NTNG1: variants seen among roughly 807,000 people sequenced by gnomAD.
NTNG1 encodes the protein netrin-G1.
In NTNG1, 16 loss-of-function variants were observed where a neutral mutation model predicts 54.0. That is an observed-to-expected ratio of 0.30 (90% CI 0.20 to 0.45). The LOEUF is 0.45. NTNG1 is among the 20% of genes least tolerant of loss of function. The probability of loss-of-function intolerance (pLI) is 1.00; values close to 1 mark genes in which losing one functional copy is unlikely to be tolerated. For synonymous variants in NTNG1, 255 were observed against 263.1 expected, an observed-to-expected ratio of 0.97 and a Z score of 0.30; for missense variants, 530 against 678.7, an observed-to-expected ratio of 0.78 and a Z score of 2.43.
At chr1:107,460,453 A>G in intron 7 of NTNG1, 2 of 517,842 alleles carry the variant, frequency 3.9e-6, no homozygotes, top group African/African-American at 1.9e-5. Flanking sequence ...AAATCTCACA[A>G]AGAAATCCAA....
intron 5 of NTNG1, among the ~76,000 whole-genome samples, chr1:107,415,204 A>G (rs937205286): frequency 6.6e-6 from 1 of 152,162 alleles, no homozygotes; most frequent in Non-Finnish European, 1.5e-5. Context: ...ATGATTTGCC[A>G]TTTACAAGCA....
intron 6 of NTNG1, 128 bp from the exon 7 acceptor site, chr1:107,436,537 C>G: frequency 1.4e-6 from 1 of 690,982 alleles, no homozygotes; most frequent in South Asian, 3.7e-5. Flanking sequence ...CCATATTTGC[C>G]GAAGCATTTC....
chr1:107,437,210 A>G (rs1248996004), intron 7 of NTNG1, among the ~76,000 whole-genome samples: 1 of 152,234 alleles, frequency 6.6e-6, no homozygotes, highest in East Asian at 1.9e-4. Context: ...TACATAACTT[A>G]TTACTACCCT....
At chr1:107,152,266 A>T (rs1654635714) in intron 2 of NTNG1, among the ~76,000 whole-genome samples, 1 of 152,106 alleles carries the variant, frequency 6.6e-6, no homozygotes, top group African/African-American at 2.4e-5. Flanking sequence ...ATTTGAATAG[A>T]TCCTATCTTT....
intron 5 of NTNG1, chr1:107,418,771 C>A: frequency 1.7e-6 from 1 of 602,824 alleles, no homozygotes; most frequent in South Asian, 2.3e-5. Flanking sequence ...AATCATAATT[C>A]AATCTTTTTT....
At chr1:107,416,333 C>T (rs2101204266) in intron 5 of NTNG1, among the ~76,000 whole-genome samples, 1 of 151,784 alleles carries the variant, frequency 6.6e-6, no homozygotes, top group Non-Finnish European at 1.5e-5. Flanking sequence ...AGTCGAATTA[C>T]ATTCCTAGGC....
At chr1:107,396,533 C>T (rs2587894) in intron 4 of NTNG1, among the ~76,000 whole-genome samples, 145,617 of 152,240 alleles carry the variant, frequency 0.96, 69,974 homozygotes, top group East Asian at 1. Context: ...AATACATTAA[C>T]GCTCTGTTGA....
In NTNG1 at chr1:107,306,661, G is replaced by A. The variant is rs565313547; in HGVS notation, c.247-17621G>A. Among the ~76,000 whole-genome samples, 4 of 151,838 alleles carry A rather than the reference G, an allele frequency of 2.6e-5. No individual in the cohort carries two copies. The South Asian group carries it at 8.3e-4, about 31-fold the overall frequency. ...AGCTACTCAGGAGGCTGAGGCCGGA[G>A]AATCGCTTGAACCTGGGAGGTGGAG... On this transcript the variant is annotated intron_variant, in intron 2 of 7. Transcript: ENST00000370068.
chr1:107,430,275 G>T (rs151207985), intron 5 of NTNG1, among the ~76,000 whole-genome samples: 15 of 152,170 alleles, frequency 9.9e-5, no homozygotes, highest in African/African-American at 3.6e-4. Context: ...TGCTGTCTTG[G>T]CATGATGTCA....
chr1:107,293,334 C>T (rs12040824), intron 2 of NTNG1, among the ~76,000 whole-genome samples: 18,321 of 152,086 alleles, frequency 0.12, 1,353 homozygotes, highest in African/African-American at 0.2. Flanking sequence ...TATTTATACC[C>T]TTTGACATAT....
intron 7 of NTNG1, among the ~76,000 whole-genome samples, 189 bp downstream of exon 7, chr1:107,436,988 C>T (rs945564726): frequency 6.6e-6 from 1 of 152,142 alleles, no homozygotes; most frequent in Non-Finnish European, 1.5e-5. Context: ...TTTTTTGAAG[C>T]CCATCTTCAT....
At chr1:107,198,167 T>A (rs4311918) in intron 2 of NTNG1, among the ~76,000 whole-genome samples, 21,383 of 151,956 alleles carry the variant, frequency 0.14, 3,233 homozygotes, top group African/African-American at 0.38. Context: ...TTTAACGGTG[T>A]TGGAAAAGAA....
intron 5 of NTNG1, among the ~76,000 whole-genome samples, chr1:107,425,303 T>C (rs542866436): frequency 7.4e-4 from 113 of 152,196 alleles, no homozygotes; most frequent in African/African-American, 2.6e-3. Context: ...TTGGATTTAG[T>C]AATTACCAGT....
chr1:107,289,383 C>G lies in NTNG1; in HGVS notation c.247-34899C>G, dbSNP rs1406615750. On this transcript the variant is annotated intron_variant, in intron 2 of 7. Transcript: ENST00000370068. ...TTATAAAGTCCTCACTTTACTACCT[C>G]TCTCCAGCTTCTTTTATAAAGAAAT... 2.0e-5 allele frequency among the ~76,000 whole-genome samples: 3 copies of G among 152,146 alleles called. No homozygotes were observed. In the East Asian group the frequency reaches 5.8e-4, roughly 29 times the overall value.
At chr1:107,401,054 A>G (rs1672999968) in intron 4 of NTNG1, among the ~76,000 whole-genome samples, 1 of 152,174 alleles carries the variant, frequency 6.6e-6, no homozygotes, top group African/African-American at 2.4e-5. Flanking sequence ...CTCCTGGAAT[A>G]TGTGGCCTTC....
intron 3 of NTNG1, 54 bp from the exon 4 acceptor site, chr1:107,395,100 G>A (rs1191140971): frequency 1.4e-6 from 2 of 1,453,436 alleles, no homozygotes; most frequent in Non-Finnish European, 9.6e-7. Context: ...AAGCCTCAGT[G>A]GTCACCAAGA....
At chr1:107,402,805 T>C (rs952840446) in intron 4 of NTNG1, among the ~76,000 whole-genome samples, 2 of 152,140 alleles carry the variant, frequency 1.3e-5, no homozygotes, top group Non-Finnish European at 2.9e-5. Context: ...GAAGTTTTTT[T>C]GGAGTTAGAA....
chr1:107,359,054 A>T (rs1175421983), intron 3 of NTNG1, among the ~76,000 whole-genome samples: 2 of 152,198 alleles, frequency 1.3e-5, no homozygotes, highest in Non-Finnish European at 2.9e-5. Context: ...AATCTGAACA[A>T]GGCAACTTAA....
At chr1:107,468,005 A>G (rs897618963) in intron 7 of NTNG1, among the ~76,000 whole-genome samples, 2 of 152,154 alleles carry the variant, frequency 1.3e-5, no homozygotes, top group African/African-American at 4.8e-5. Context: ...GCTTTGTTTC[A>G]TCCTGACATT....
Sources: allele counts gnomAD v4.1 joint callset (sites outside exome capture counted in the v4.1 genomes callset), GRCh38; gene constraint gnomAD v4.1.1; transcripts MANE v1.5; gene names NCBI Gene and HGNC (gene_info 2026-07-23, HGNC 2026-07-21).